The following WDPCP variants were observed in gnomAD, a reference collection of about 807,000 sequenced individuals.
WDPCP encodes the protein WD repeat-containing and planar cell polarity effector protein fritz homolog.
WDPCP carries 71 observed loss-of-function variants against 93.1 expected under a neutral mutation model. That is an observed-to-expected ratio of 0.76 (90% confidence interval 0.63 to 0.93). The LOEUF (loss-of-function observed/expected upper bound fraction) is 0.93, where lower values mean the gene tolerates loss of function less well. Ranked by LOEUF, WDPCP falls within the 40% of genes least tolerant of loss-of-function variation. The probability of loss-of-function intolerance (pLI) is 0.00; values close to 1 mark genes in which losing one functional copy is unlikely to be tolerated. For missense variants in WDPCP, 844 were observed against 887.4 expected (o/e 0.95, Z 0.62); for synonymous variants, 315 against 315.0 (o/e 1.00, Z 0.00).
chr2:63,231,089 C>A, intron 14 of WDPCP, among the ~76,000 whole-genome samples: 1 of 152,092 alleles, frequency 6.6e-6, no homozygotes, highest in Admixed American at 6.6e-5. Flanking sequence ...AAGGCTGGTT[C>A]AATATATGCA....
intron 1 of WDPCP, among the ~76,000 whole-genome samples, chr2:63,538,302 T>C (rs1053724206): frequency 2.6e-5 from 4 of 152,102 alleles, no homozygotes; most frequent in Admixed American, 6.5e-5. Context: ...CCAAATAAGA[T>C]ATTAAAATAA....
chr2:63,465,082 T>G (rs1316525778), intron 6 of WDPCP, among the ~76,000 whole-genome samples: 1 of 151,918 alleles, frequency 6.6e-6, no homozygotes, highest in South Asian at 2.1e-4. Context: ...TAAAGTTTTT[T>G]ACTGAAAAAA....
intron 12 of WDPCP, among the ~76,000 whole-genome samples, chr2:63,313,888 T>TATATATATATATATATA (rs1686414633): frequency 2.0e-4 from 1 of 5,016 alleles, no homozygotes; most frequent in Non-Finnish European, 2.7e-4. Flanking sequence ...ATATATATAT[T>TATATATATATATATATA]TTTTTTTTTT....
rs570869378 is a variant in WDPCP at position 63,791,919 on chromosome 2, G to A, written n.308+21703C>T. ...ATAAATAATATAAAGCATTTACTACGGTGCCTGCATGTAAACGCTGCTTAA... is the reference window on the plus strand; with the variant it reads ...ATAAATAATATAAAGCATTTACTACAGTGCCTGCATGTAAACGCTGCTTAA... On this transcript the variant is annotated intron_variant and non_coding_transcript_variant, in intron 2 of 4. Transcript: ENST00000467687. Among the ~76,000 whole-genome samples, 29 of 152,112 alleles carry A rather than the reference G, an allele frequency of 1.9e-4. 2 individuals carry two copies. The highest frequency in any genetic ancestry group is 5.3e-4 in the African/African-American group (22 of 41,502).
the WDPCP span, among the ~76,000 whole-genome samples, chr2:63,837,010 T>C: frequency 6.6e-6 from 1 of 152,390 alleles, no homozygotes; most frequent in Middle Eastern, 3.4e-3. Context: ...TTATTTGAAA[T>C]AATTGCTACT....
intron 2 of WDPCP, among the ~76,000 whole-genome samples, chr2:63,756,625 G>T (rs1370291116): frequency 2.0e-5 from 3 of 152,026 alleles, no homozygotes; most frequent in Non-Finnish European, 4.4e-5. Flanking sequence ...TTAATATATG[G>T]GCAAGCCATA....
At chr2:63,516,790 ATTC>A (rs1271589315) in intron 1 of WDPCP, among the ~76,000 whole-genome samples, 1 of 152,028 alleles carries the variant, frequency 6.6e-6, no homozygotes, top group Non-Finnish European at 1.5e-5. Flanking sequence ...AAGTTCTGAT[ATTC>A]TTTTCTAAAA....
At chr2:63,194,368 TA>T (rs983237455) in intron 14 of WDPCP, among the ~76,000 whole-genome samples, 11 of 152,176 alleles carry the variant, frequency 7.2e-5, no homozygotes, top group African/African-American at 2.7e-4. Context: ...ACTTATCTTT[TA>T]GGGTAAATGT....
chr2:63,518,518 G>C (rs932363249), intron 1 of WDPCP: 3 of 152,358 alleles, frequency 2.0e-5, no homozygotes, highest in Non-Finnish European at 4.4e-5. Context: ...ATACAGGAGT[G>C]GTAGGGGCAG....
intron 3 of WDPCP, chr2:63,599,226 T>A (rs1575723521): frequency 1.2e-6 from 2 of 1,613,796 alleles, no homozygotes; most frequent in Non-Finnish European, 1.7e-6. Context: ...CCAAGTCAGC[T>A]CCATCCATCC....
At chr2:63,754,911 G>C (rs1363141729) in intron 2 of WDPCP, among the ~76,000 whole-genome samples, 1 of 152,196 alleles carries the variant, frequency 6.6e-6, no homozygotes, top group Admixed American at 6.6e-5. Context: ...CTGGCTCAAG[G>C]TCATTCATGA....
chr2:63,479,854 C>T (rs1433588826), intron 6 of WDPCP, among the ~76,000 whole-genome samples: 1 of 151,950 alleles, frequency 6.6e-6, no homozygotes, highest in Non-Finnish European at 1.5e-5. Flanking sequence ...CACTTCTATT[C>T]AAAATAGTAC....
chr2:63,173,148 A>G (rs144491826), intron 15 of WDPCP, among the ~76,000 whole-genome samples: 1 of 152,106 alleles, frequency 6.6e-6, no homozygotes, highest in African/African-American at 2.4e-5. Context: ...GGCACCTGTA[A>G]TCCCAGCTAC....
At chr2:63,263,415 C>A (rs1171240497) in intron 13 of WDPCP, among the ~76,000 whole-genome samples, 1 of 151,952 alleles carries the variant, frequency 6.6e-6, no homozygotes, top group East Asian at 1.9e-4. Context: ...GGTTAGTTAT[C>A]AAAAAAATGG....
chr2:63,811,294 T>C (rs984379218), intron 2 of WDPCP, among the ~76,000 whole-genome samples: 9 of 152,278 alleles, frequency 5.9e-5, no homozygotes, highest in Non-Finnish European at 1.0e-4. Flanking sequence ...ACGGCAAAGG[T>C]GATGGGATGT....
At chr2:63,715,194 G>A (rs1669320098) in intron 2 of WDPCP, among the ~76,000 whole-genome samples, 2 of 152,150 alleles carry the variant, frequency 1.3e-5, no homozygotes, top group South Asian at 4.1e-4. Context: ...AAATATTTTG[G>A]AATTTGATAT....
At chr2:63,592,009 G>C (rs1248456887), upstream of WDPCP, among the ~76,000 whole-genome samples, 2 of 152,146 alleles carry the variant, frequency 1.3e-5, no homozygotes, top group Admixed American at 1.3e-4. Flanking sequence ...CTTGAACACA[G>C]AAAGTCTGGC....
At chr2:63,612,396 A>AATACTTCTTAT (rs1709623860) in intron 3 of WDPCP, among the ~76,000 whole-genome samples, 1 of 152,210 alleles carries the variant, frequency 6.6e-6, no homozygotes, top group Non-Finnish European at 1.5e-5. Flanking sequence ...CTTTAGCATA[A>AATACTTCTTAT]GAAGTATTTT....
At chr2:63,500,452 G>GGTGTGT (rs71393311) in intron 1 of WDPCP, among the ~76,000 whole-genome samples, 1 of 22,314 alleles carries the variant, frequency 4.5e-5, no homozygotes, top group African/African-American at 1.9e-4. Context: ...AAATGGTGTG[G>GGTGTGT]GGGTGTGTGT....
Sources: allele counts gnomAD v4.1 joint callset (sites outside exome capture counted in the v4.1 genomes callset), GRCh38; gene constraint gnomAD v4.1.1; transcripts MANE v1.5; gene names NCBI Gene and HGNC (gene_info 2026-07-23, HGNC 2026-07-21).